LOC128125817: variants seen among roughly 807,000 people sequenced by gnomAD.
chr1:41,623,259 A>C, the LOC128125817 span, among the ~76,000 whole-genome samples: 1 of 152,176 alleles, frequency 6.6e-6, no homozygotes, highest in African/African-American at 2.4e-5. Context: ...AGAAACCACG[A>C]AACTTCCTAC....
At chr1:41,603,097 C>T in the LOC128125817 span, among the ~76,000 whole-genome samples, 6 of 151,960 alleles carry the variant, frequency 3.9e-5, no homozygotes, top group Non-Finnish European at 5.9e-5. Context: ...GACTGAGTCT[C>T]GCCCTGTCAC....
At chr1:41,607,496 G>A in the LOC128125817 span, among the ~76,000 whole-genome samples, 1 of 152,144 alleles carries the variant, frequency 6.6e-6, no homozygotes, top group Non-Finnish European at 1.5e-5. Context: ...TTACAGAGGT[G>A]AATGAAAGAA....
At chr1:41,618,008 C>T in the LOC128125817 span, among the ~76,000 whole-genome samples, 1 of 152,212 alleles carries the variant, frequency 6.6e-6, no homozygotes, top group Admixed American at 6.5e-5. Flanking sequence ...GTGCATTTCC[C>T]CAGCTCTCTC....
At chr1:41,624,180 C>T in the LOC128125817 span, among the ~76,000 whole-genome samples, 114 of 152,332 alleles carry the variant, frequency 7.5e-4, no homozygotes, top group African/African-American at 2.6e-3. Context: ...CCTTCCTCCT[C>T]TGCCTCCAAC....
chr1:41,614,262 G>A, the LOC128125817 span, among the ~76,000 whole-genome samples: 1 of 152,236 alleles, frequency 6.6e-6, no homozygotes, highest in African/African-American at 2.4e-5. Context: ...ATTATCTGGT[G>A]GTGAGAGAGG....
the LOC128125817 span, among the ~76,000 whole-genome samples, chr1:41,596,530 C>T: frequency 1.4e-4 from 21 of 152,232 alleles, no homozygotes; most frequent in Non-Finnish European, 2.8e-4. Context: ...CTGCCTCCCC[C>T]TGGCCTGGGC....
the LOC128125817 span, among the ~76,000 whole-genome samples, chr1:41,612,461 T>C: frequency 2.6e-5 from 4 of 152,144 alleles, no homozygotes; most frequent in African/African-American, 4.8e-5. Flanking sequence ...GCAAACACAA[T>C]GTCTAACATA....
At chr1:41,605,367 GCACACGCGCACACACA>G in the LOC128125817 span, among the ~76,000 whole-genome samples, 3 of 111,734 alleles carry the variant, frequency 2.7e-5, no homozygotes, top group African/African-American at 1.2e-4. Context: ...ATACACACAC[GCACACGCGCACACACA>G]CACACACACA....
At chr1:41,612,665 T>C in the LOC128125817 span, among the ~76,000 whole-genome samples, 16 of 152,192 alleles carry the variant, frequency 1.1e-4, no homozygotes, top group African/African-American at 3.6e-4. Flanking sequence ...ATCAGACTCA[T>C]TTCTGTATTC....
chr1:41,627,357 C>T, the LOC128125817 span, among the ~76,000 whole-genome samples: 1 of 152,226 alleles, frequency 6.6e-6, no homozygotes, highest in African/African-American at 2.4e-5. Flanking sequence ...CACACAACCA[C>T]TAAGAGTCGG....
chr1:41,591,091 G>A, the LOC128125817 span, among the ~76,000 whole-genome samples: 5 of 152,216 alleles, frequency 3.3e-5, no homozygotes, highest in Non-Finnish European at 7.3e-5. Context: ...ATTGCTATTG[G>A]AGAAAGCATT....
chr1:41,603,301 C>A, the LOC128125817 span, among the ~76,000 whole-genome samples: 1 of 152,060 alleles, frequency 6.6e-6, no homozygotes, highest in East Asian at 1.9e-4. Context: ...CTGCTGACCT[C>A]AGGTGATCCA....
the LOC128125817 span, among the ~76,000 whole-genome samples, chr1:41,599,252 C>A: frequency 1.3e-5 from 2 of 151,936 alleles, no homozygotes; most frequent in Non-Finnish European, 2.9e-5. Flanking sequence ...ACACAGAAAA[C>A]GAATGTGAAA....
At chr1:41,595,671 G>A in the LOC128125817 span, among the ~76,000 whole-genome samples, 12 of 152,288 alleles carry the variant, frequency 7.9e-5, no homozygotes, top group African/African-American at 2.9e-4. Context: ...ATTTGAGTCA[G>A]TGGACTGGGA....
At chr1:41,585,346 A>AAGTACACACACACAG in the LOC128125817 span, 22 of 399,000 alleles carry the variant, frequency 5.5e-5, no homozygotes, top group South Asian at 2.0e-3. Context: ...ACACACACAG[A>AAGTACACACACACAG]AATACACACA....
chr1:41,586,138 G>A, the LOC128125817 span, among the ~76,000 whole-genome samples: 2 of 152,192 alleles, frequency 1.3e-5, no homozygotes, highest in African/African-American at 4.8e-5. Context: ...TCAGTGCCCT[G>A]GGGATGCCAT....
At chr1:41,626,595 G>A in the LOC128125817 span, among the ~76,000 whole-genome samples, 1 of 152,294 alleles carries the variant, frequency 6.6e-6, no homozygotes, top group South Asian at 2.1e-4. Context: ...CTCTCAGAGG[G>A]CTCTGCTTCT....
At chr1:41,585,714 G>A in the LOC128125817 span, among the ~76,000 whole-genome samples, 624 of 152,212 alleles carry the variant, frequency 4.1e-3, 5 homozygotes, top group African/African-American at 0.014. Context: ...TTGCCTAATC[G>A]GTAAAACAGA....
chr1:41,624,563 A>T, the LOC128125817 span, among the ~76,000 whole-genome samples: 1 of 152,166 alleles, frequency 6.6e-6, no homozygotes. Flanking sequence ...GTCATTTTTT[A>T]AATTCAGGAC....
Sources: allele counts gnomAD v4.1 joint callset (sites outside exome capture counted in the v4.1 genomes callset), GRCh38; gene constraint gnomAD v4.1.1; transcripts MANE v1.5.